Variants in FHL2 observed in about 807,000 individuals in gnomAD.
The protein encoded by FHL2 is four and a half LIM domains protein 2.
In FHL2, 20 loss-of-function variants were observed where a neutral mutation model predicts 32.7. The ratio of observed to expected loss-of-function variants is 0.61; its 90% CI spans 0.43 to 0.89. The LOEUF is 0.89. FHL2 is among the 40% of genes least tolerant of loss of function. The probability of loss-of-function intolerance (pLI) is 0.00; values close to 1 mark genes in which losing one functional copy is unlikely to be tolerated. For synonymous variants in FHL2, 123 were observed against 128.1 expected, an observed-to-expected ratio of 0.96 and a Z score of 0.27; for missense variants, 311 against 358.6, an observed-to-expected ratio of 0.87 and a Z score of 1.07.
chr2:105,433,863 G>A (rs199707693), intron 1 of FHL2, among the ~76,000 whole-genome samples: 1 of 151,918 alleles, frequency 6.6e-6, no homozygotes, highest in African/African-American at 2.4e-5. Flanking sequence ...TTTTACTTTG[G>A]GGAGTCAAGA....
chr2:105,367,543 C>G, intron 5 of FHL2, 27 bp downstream of exon 5: 1 of 1,581,700 alleles, frequency 6.3e-7, no homozygotes, highest in Non-Finnish European at 8.6e-7. Context: ...CCAGAACGTG[C>G]AAGGGCCAAG....
At position 105,378,216 on chromosome 2, in the gene FHL2, C is replaced by A. The variant is rs140095146; in HGVS notation, c.157-4483G>T. On this transcript the variant is annotated intron_variant, in intron 3 of 6. Coordinates refer to ENST00000530340, the MANE Select transcript of FHL2 (RefSeq NM_001318895.3). ...AGTTAATATTTATGGCACAAAAATG[C>A]AATAGCTACAGTTTAAGACTGATTC... The A allele has an allele frequency of 1.5e-5, 7 of 470,668 alleles. No individual in the cohort carries two copies. The East Asian group carries it at 4.9e-4, about 33-fold the overall frequency. The allele number at this position is 470,668 out of a possible 1,614,324, so 29.2% of individuals were successfully genotyped here.
chr2:105,427,925 A>G (rs1190147255), intron 1 of FHL2, among the ~76,000 whole-genome samples: 5 of 152,234 alleles, frequency 3.3e-5, no homozygotes, highest in African/African-American at 1.2e-4. Context: ...CACTCTAAGT[A>G]TGAATAACTG....
intron 5 of FHL2, among the ~76,000 whole-genome samples, chr2:105,365,792 T>C (rs968776022): frequency 2.1e-5 from 3 of 145,804 alleles, no homozygotes; most frequent in Non-Finnish European, 3.0e-5. Context: ...TTGCAGTGAG[T>C]TGAGATCATG....
chr2:105,388,509 A>G (rs796858738), intron 2 of FHL2, among the ~76,000 whole-genome samples: 31 of 152,230 alleles, frequency 2.0e-4, no homozygotes, highest in African/African-American at 7.0e-4. Flanking sequence ...CTAAAAGTGG[A>G]AAGTTTTCTC....
intron 1 of FHL2, among the ~76,000 whole-genome samples, chr2:105,406,224 G>A (rs1683626297): frequency 6.6e-6 from 1 of 152,150 alleles, no homozygotes; most frequent in South Asian, 2.1e-4. Flanking sequence ...AGCATCTCCT[G>A]GCAGGACTGT....
intron 3 of FHL2, 47 bp downstream of exon 3, chr2:105,386,314 G>GT (rs1198276707): frequency 6.3e-7 from 1 of 1,596,900 alleles, no homozygotes; most frequent in Non-Finnish European, 8.5e-7. Context: ...AGAAACCCGT[G>GT]TTTCCTAGGG....
intron 2 of FHL2, among the ~76,000 whole-genome samples, chr2:105,387,057 G>A (rs1682376181): frequency 6.6e-6 from 1 of 152,106 alleles, no homozygotes; most frequent in East Asian, 1.9e-4. Flanking sequence ...GAGCCATCAC[G>A]CCTGGTCACA....
At chr2:105,391,591 G>A (rs1015593807) in intron 2 of FHL2, among the ~76,000 whole-genome samples, 19 of 152,144 alleles carry the variant, frequency 1.2e-4, no homozygotes, top group Admixed American at 1.0e-3. Context: ...GGTATGCCTC[G>A]CAGGCAGTGG....
upstream of FHL2, among the ~76,000 whole-genome samples, chr2:105,400,551 G>A (rs774179965): frequency 1.3e-5 from 2 of 152,078 alleles, no homozygotes; most frequent in African/African-American, 2.4e-5. Flanking sequence ...TGTTGATATC[G>A]TTACAAATTA....
intron 2 of FHL2, among the ~76,000 whole-genome samples, chr2:105,394,930 T>A (rs1056315423): frequency 2.0e-5 from 3 of 152,266 alleles, no homozygotes; most frequent in African/African-American, 7.2e-5. Flanking sequence ...ATCTTTTGAA[T>A]ATTGAATACT....
At chr2:105,407,619 T>A (rs1025009597) in intron 1 of FHL2, among the ~76,000 whole-genome samples, 1 of 151,850 alleles carries the variant, frequency 6.6e-6, no homozygotes, top group Non-Finnish European at 1.5e-5. Flanking sequence ...AACTTGGGAA[T>A]CTCTGCCTGA....
At chr2:105,403,237 A>G (rs1409866130), upstream of FHL2, among the ~76,000 whole-genome samples, 1 of 152,254 alleles carries the variant, frequency 6.6e-6, no homozygotes, top group Non-Finnish European at 1.5e-5. Flanking sequence ...TCCCACCAGA[A>G]GAAGAATTAA....
chr2:105,390,401 G>A (rs1422317596), intron 2 of FHL2, among the ~76,000 whole-genome samples: 1 of 152,190 alleles, frequency 6.6e-6, no homozygotes, highest in Non-Finnish European at 1.5e-5. Flanking sequence ...AGTAGCAGCT[G>A]CTATCTGCTC....
At chr2:105,374,977 T>C (rs1358085951) in intron 3 of FHL2, among the ~76,000 whole-genome samples, 1 of 152,188 alleles carries the variant, frequency 6.6e-6, no homozygotes, top group African/African-American at 2.4e-5. Flanking sequence ...AAGAAGAGCC[T>C]GCCCACGATG....
intron 1 of FHL2, among the ~76,000 whole-genome samples, chr2:105,415,597 G>T (rs1206802371): frequency 6.6e-6 from 1 of 152,112 alleles, no homozygotes. Flanking sequence ...CTTCACAATG[G>T]GCAGGGAAAT....
intron 2 of FHL2, among the ~76,000 whole-genome samples, chr2:105,394,654 C>T (rs1332787615): frequency 6.6e-6 from 1 of 151,832 alleles, no homozygotes; most frequent in African/African-American, 2.4e-5. Flanking sequence ...ATCTAGCATC[C>T]ACTTGAAATC....
In FHL2 at chr2:105,361,363, A is replaced by C. The variant is rs750884671; in HGVS notation, c.760T>G (p.Cys254Gly). The C allele has an allele frequency of 3.7e-6, 6 of 1,614,178 alleles. No individual in the cohort carries two copies. The South Asian group carries it at 6.6e-5, about 18-fold the overall frequency. ...WHNDCFNCKK[C>G]SLSLVGRGFL... ...CCACGCCCCACCAGTGAGAGGGAGCACTTCTTACAGTTAAAGCAGTCGTTA... is the reference window on the plus strand; with the variant it reads ...CCACGCCCCACCAGTGAGAGGGAGCCCTTCTTACAGTTAAAGCAGTCGTTA... The change falls in exon 7 of 7, where the codon TGC becomes GGC. Residue 254 changes from cysteine to glycine, a missense_variant. Transcript: ENST00000530340.
chr2:105,375,112 ACAGTT>A (rs1452228347), intron 3 of FHL2: 1 of 151,628 alleles, frequency 6.6e-6, no homozygotes, highest in Admixed American at 6.6e-5. Flanking sequence ...ACTAGAACAA[ACAGTT>A]CTCTTTTGCT....
Sources: allele counts gnomAD v4.1 joint callset (sites outside exome capture counted in the v4.1 genomes callset), GRCh38; gene constraint gnomAD v4.1.1; transcripts MANE v1.5; gene names NCBI Gene and HGNC (gene_info 2026-07-23, HGNC 2026-07-21).